Variants in DENND1A observed in about 807,000 individuals in gnomAD.
DENND1A encodes DENN domain-containing protein 1A.
DENND1A carries 51 observed loss-of-function variants against 113.7 expected under a neutral mutation model. That is an observed-to-expected ratio of 0.45 (90% CI 0.36 to 0.57). The LOEUF (loss-of-function observed/expected upper bound fraction) is 0.57. DENND1A is among the 20% of genes least tolerant of loss of function. The pLI is 0.00. For synonymous variants in DENND1A, 565 were observed against 570.8 expected (o/e 0.99, Z 0.14); for missense variants, 1,258 against 1,395.9 (o/e 0.90, Z 1.57).
chr9:123,897,051 C>T (rs186436186), intron 1 of DENND1A, among the ~76,000 whole-genome samples: 199 of 152,242 alleles, frequency 1.3e-3, no homozygotes, highest in African/African-American at 4.4e-3. Flanking sequence ...GACCAATGAA[C>T]GCAAAGCAAA....
chr9:123,637,263 A>C (rs889081000), intron 9 of DENND1A, among the ~76,000 whole-genome samples: 4 of 152,256 alleles, frequency 2.6e-5, no homozygotes, highest in African/African-American at 7.2e-5. Flanking sequence ...ACTGACTTTA[A>C]AGGGAGGTCA....
At chr9:123,406,827 C>T (rs111827538) in intron 20 of DENND1A, among the ~76,000 whole-genome samples, 8 of 152,230 alleles carry the variant, frequency 5.3e-5, no homozygotes, top group South Asian at 2.1e-4. Context: ...GCCCCTGCCC[C>T]GCGGGGCCCC....
At chr9:123,693,367 C>T (rs1316383507) in intron 5 of DENND1A, among the ~76,000 whole-genome samples, 1 of 152,164 alleles carries the variant, frequency 6.6e-6, no homozygotes, top group African/African-American at 2.4e-5. Context: ...GACAAATGCC[C>T]ACATCGGTGT....
At chr9:123,473,510 A>G (rs2049624817) in intron 13 of DENND1A, among the ~76,000 whole-genome samples, 1 of 152,154 alleles carries the variant, frequency 6.6e-6, no homozygotes, top group African/African-American at 2.4e-5. Context: ...TCTGACAGAG[A>G]GCAGATGGGC....
At chr9:123,570,577 G>T (rs1018268874) in intron 12 of DENND1A, among the ~76,000 whole-genome samples, 1 of 152,160 alleles carries the variant, frequency 6.6e-6, no homozygotes, top group Non-Finnish European at 1.5e-5. Context: ...CTACTAACCA[G>T]CCTGGGACCT....
At chr9:123,799,725 C>T (rs763962913) in intron 2 of DENND1A, among the ~76,000 whole-genome samples, 12 of 152,062 alleles carry the variant, frequency 7.9e-5, no homozygotes, top group Non-Finnish European at 1.2e-4. Context: ...TTATAAATAC[C>T]GAACAAATAT....
At position 123,803,755 on chromosome 9, in the gene DENND1A, T is replaced by C. The variant is rs145265716; in HGVS notation, c.89-11125A>G. On this transcript the variant is annotated intron_variant, in intron 2 of 23. Coordinates refer to ENST00000394215, the MANE Select transcript of DENND1A (RefSeq NM_001352964.2). ...ATTTCTTAAAAGGTCAAGCCCACTT[T>C]CCAACAGCTACCACCCCATTTCTCT... Among the ~76,000 whole-genome samples the C allele has an allele frequency of 7.3e-3, 1,108 of 152,300 alleles. 14 individuals carry two copies. The highest frequency in any genetic ancestry group is 0.025 in the African/African-American group (1,059 of 41,546).
At chr9:123,587,942 A>G (rs1405390904) in intron 11 of DENND1A, among the ~76,000 whole-genome samples, 2 of 152,212 alleles carry the variant, frequency 1.3e-5, no homozygotes, top group African/African-American at 4.8e-5. Flanking sequence ...CAACATGCTC[A>G]GAGACTGCTT....
chr9:123,910,582 C>G (rs1019125012), intron 1 of DENND1A, among the ~76,000 whole-genome samples: 5 of 152,130 alleles, frequency 3.3e-5, no homozygotes, highest in African/African-American at 1.2e-4. Flanking sequence ...AAACAGAACA[C>G]ATCAAAAAGT....
intron 13 of DENND1A, among the ~76,000 whole-genome samples, chr9:123,531,552 TCTACAC>T (rs1327399330): frequency 0.025 from 3,311 of 133,796 alleles, 123 homozygotes; most frequent in African/African-American, 0.079. Flanking sequence ...CCCCTCTCTC[TCTACAC>T]ACACACACAC....
chr9:123,655,047 A>G (rs895593090), intron 8 of DENND1A, among the ~76,000 whole-genome samples: 10 of 152,012 alleles, frequency 6.6e-5, no homozygotes, highest in Non-Finnish European at 4.4e-5. Context: ...AAATACCTGG[A>G]AATTGTAATT....
chr9:123,887,147 G>A (rs566720261), intron 1 of DENND1A, among the ~76,000 whole-genome samples: 1 of 152,292 alleles, frequency 6.6e-6, no homozygotes, highest in East Asian at 1.9e-4. Flanking sequence ...ATTTGCAAAG[G>A]TGATATTTAT....
rs958529204 is a variant in DENND1A, at chr9:123,579,987, C to T, written c.867+3182G>A. Reference sequence around the variant, plus strand: ...GCATATAGGAGGTCCCATTTGTGCACGCTGAGACTGTCAGGACATAGAGGT... The same window carrying T: ...GCATATAGGAGGTCCCATTTGTGCATGCTGAGACTGTCAGGACATAGAGGT... On this transcript the variant is annotated intron_variant, in intron 12 of 23. Transcript: ENST00000394215. Among the ~76,000 whole-genome samples, 13 of 152,278 alleles carry T rather than the reference C, an allele frequency of 8.5e-5. No homozygotes were observed. The South Asian group carries it at 1.0e-3, about 12-fold the overall frequency.
Position 123,452,286 on chromosome 9 carries a change from A to G in DENND1A, c.1289T>C (p.Val430Ala), listed in dbSNP as rs777642178. Residue 430 changes from valine to alanine, a missense_variant, in exon 17 of 24, where the codon GTC becomes GCC. Val to Ala is a moderately conservative substitution (Grantham distance 64, BLOSUM62 0). This residue lies in a region of DENND1A where 1,159 missense variants were observed against 1,231.7 expected (regional missense o/e 0.94). Coordinates refer to ENST00000394215, the MANE Select transcript of DENND1A (RefSeq NM_001352964.2). ...KTKANPAMKT[V>A]YKFAKDHAKM... is the part of the protein sequence containing the mutation. ...AAGACCAGTACTTACGAACTTGTAG[A>G]CAGTCTTCATGGCCGGATTTGCTTT... The G allele has an allele frequency of 6.2e-7, 1 of 1,614,208 alleles. No homozygotes were observed. The highest frequency in any genetic ancestry group is 8.5e-7 in the Non-Finnish European group (1 of 1,180,020).
At chr9:123,615,536 A>G (rs2060611793) in intron 10 of DENND1A, among the ~76,000 whole-genome samples, 1 of 152,164 alleles carries the variant, frequency 6.6e-6, no homozygotes. Flanking sequence ...TTTCCATCAC[A>G]GGAAGCTTCT....
At chr9:123,647,842 T>TA (rs1008363215) in intron 9 of DENND1A, among the ~76,000 whole-genome samples, 1 of 151,952 alleles carries the variant, frequency 6.6e-6, no homozygotes, top group African/African-American at 2.4e-5. Flanking sequence ...AAATAAAACC[T>TA]AAAAAAAGCC....
At chr9:123,745,066 G>A (rs1186837679) in intron 5 of DENND1A, among the ~76,000 whole-genome samples, 1 of 152,126 alleles carries the variant, frequency 6.6e-6, no homozygotes, top group Admixed American at 6.5e-5. Context: ...GTGAGCCACC[G>A]TGCCTGGCCT....
chr9:123,670,242 G>T (rs2063700436), intron 7 of DENND1A, among the ~76,000 whole-genome samples: 1 of 152,106 alleles, frequency 6.6e-6, no homozygotes, highest in South Asian at 2.1e-4. Flanking sequence ...TACCAACACT[G>T]TACCTGGTTC....
intron 5 of DENND1A, among the ~76,000 whole-genome samples, chr9:123,697,963 G>A (rs191975392): frequency 2.0e-5 from 3 of 152,264 alleles, no homozygotes; most frequent in Admixed American, 6.5e-5. Context: ...TCTTACTTAG[G>A]CCACTTTTGC....
Sources: allele counts gnomAD v4.1 joint callset (sites outside exome capture counted in the v4.1 genomes callset), GRCh38; gene constraint gnomAD v4.1.1; regional missense constraint gnomAD v4.1.1; transcripts MANE v1.5; gene names NCBI Gene and HGNC (gene_info 2026-07-23, HGNC 2026-07-21).